The following XIRP2 variants were observed in gnomAD, a reference collection of about 807,000 sequenced individuals.
The protein encoded by XIRP2 is xin actin-binding repeat-containing protein 2.
XIRP2 carries 236 observed loss-of-function variants against 277.0 expected under a neutral mutation model. That is an observed-to-expected ratio of 0.85 (90% CI 0.77 to 0.95). The LOEUF is 0.95. XIRP2 is among the 40% of genes least tolerant of loss of function. The pLI is 0.00. For missense variants in XIRP2, 4,640 were observed against 4,157.5 expected, an observed-to-expected ratio of 1.12 and a Z score of -3.19; for synonymous variants, 1,490 against 1,416.5, an observed-to-expected ratio of 1.05 and a Z score of -1.17.
chr2:167,041,937 A>T (rs1688668718), intron 2 of XIRP2, among the ~76,000 whole-genome samples: 1 of 152,176 alleles, frequency 6.6e-6, no homozygotes, highest in Admixed American at 6.5e-5. Context: ...GAAGCTAGAG[A>T]GGGAAGGGGC....
chr2:166,961,398 GTTC>G (rs1446566438), intron 2 of XIRP2, among the ~76,000 whole-genome samples: 1 of 151,616 alleles, frequency 6.6e-6, no homozygotes, highest in Non-Finnish European at 1.5e-5. Flanking sequence ...GCTTTAAATT[GTTC>G]TTAATGCTGA....
chr2:167,008,894 T>C (rs2105466357), intron 2 of XIRP2, among the ~76,000 whole-genome samples: 1 of 151,638 alleles, frequency 6.6e-6, no homozygotes, highest in Non-Finnish European at 1.5e-5. Context: ...ATGTCTCCTT[T>C]CTGAGTTTAA....
intron 1 of XIRP2, among the ~76,000 whole-genome samples, chr2:166,892,379 A>G (rs908138038): frequency 1.3e-5 from 2 of 152,192 alleles, no homozygotes; most frequent in African/African-American, 4.8e-5. Flanking sequence ...GCAGGTAGAA[A>G]TCACAGAAAC....
At chr2:166,942,579 A>G (rs1474363858) in intron 2 of XIRP2, among the ~76,000 whole-genome samples, 1 of 152,220 alleles carries the variant, frequency 6.6e-6, no homozygotes, top group African/African-American at 2.4e-5. Context: ...ATATTGTGCA[A>G]TCAAACCACA....
At chr2:167,077,559 A>T (rs1689603821) in intron 2 of XIRP2, among the ~76,000 whole-genome samples, 1 of 152,200 alleles carries the variant, frequency 6.6e-6, no homozygotes, top group Non-Finnish European at 1.5e-5. Flanking sequence ...AACTGCAGAG[A>T]TGGGTGGAAG....
chr2:167,126,186 C>T (rs564049191), intron 2 of XIRP2, among the ~76,000 whole-genome samples: 59 of 133,132 alleles, frequency 4.4e-4, no homozygotes, highest in Non-Finnish European at 7.3e-4. Context: ...CTCTCTCTCT[C>T]TCTCTCTCTC....
Position 167,245,088 on chromosome 2 carries a change from G to T in XIRP2, c.3696G>T (p.Gln1232His). 1 of 1,610,222 alleles carries T rather than the reference G, an allele frequency of 6.2e-7. No individual in the cohort carries two copies. Among genetic ancestry groups the T allele is most frequent in the Non-Finnish European group, 8.5e-7 (1 of 1,178,916 alleles). ...AAACCTTAAAAACTGAAGATATTCA[G>T]AAAGGCAATGTTTTAAATTGTAGGT... is the stretch of plus-strand genomic sequence containing the variant. Reference protein sequence around the residue: ...KIKTLKTEDIQKGNVLNCRWL... With the variant: ...KIKTLKTEDIHKGNVLNCRWL... Residue 1232 changes from glutamine to histidine, a missense_variant, in exon 9 of 11, where the codon CAG becomes CAT. Coordinates refer to ENST00000409195, the MANE Select transcript of XIRP2 (RefSeq NM_152381.6).
intron 3 of XIRP2, among the ~76,000 whole-genome samples, chr2:167,155,399 T>C (rs1280627624): frequency 6.6e-6 from 1 of 151,544 alleles, no homozygotes; most frequent in Non-Finnish European, 1.5e-5. Context: ...TTATCCACCA[T>C]GATCAAGTGG....
chr2:167,098,743 T>C (rs545352215), intron 2 of XIRP2, among the ~76,000 whole-genome samples: 1 of 152,334 alleles, frequency 6.6e-6, no homozygotes, highest in Non-Finnish European at 1.5e-5. Flanking sequence ...TCATTCTTTT[T>C]GTTGGTGGTG....
rs2105428854 is a variant in XIRP2, at chr2:167,239,963, A to G, written c.967A>G (p.Met323Val). The G allele has an allele frequency of 6.3e-7, 1 of 1,591,622 alleles. No homozygotes were observed. Among genetic ancestry groups the G allele is most frequent in the Non-Finnish European group, 8.5e-7 (1 of 1,173,946 alleles). Residue 323 changes from methionine (M) to valine (V), a missense_variant and splice_region_variant, in exon 6 of 11, where the codon ATG (methionine) becomes GTG (valine). Coordinates refer to ENST00000409195, the MANE Select transcript of XIRP2 (RefSeq NM_152381.6). ...VQKIDVHGTE[M>V]VSHLEKHTEE... ...GAAAATTGATGTTCATGGAACAGAA[A>G]TGGTAACTATTTAGAAAGGCAGTAC...
chr2:167,108,702 C>G (rs1346723), intron 2 of XIRP2, among the ~76,000 whole-genome samples: 40,221 of 151,882 alleles, frequency 0.26, 7,670 homozygotes, highest in African/African-American at 0.54. Flanking sequence ...CAACAGAACA[C>G]TGCTTATCCA....
intron 3 of XIRP2, among the ~76,000 whole-genome samples, chr2:167,160,730 C>T (rs1489869904): frequency 6.6e-6 from 1 of 152,144 alleles, no homozygotes; most frequent in African/African-American, 2.4e-5. Flanking sequence ...CACAGACAAA[C>T]CATATCATTC....
Position 167,243,381 on chromosome 2 carries a change from G to A in XIRP2, c.1989G>A (p.Leu663=). 1 of 1,614,028 alleles carries A rather than the reference G, an allele frequency of 6.2e-7. No individual in the cohort carries two copies. Among genetic ancestry groups the A allele is most frequent in the Admixed American group, 1.7e-5 (1 of 60,008 alleles). ...GGTGGATGTTTGAAACAAGGCCATTGGACTCAATGAATAAAATGCATCAAA... is the reference window on the plus strand; with the variant it reads ...GGTGGATGTTTGAAACAAGGCCATTAGACTCAATGAATAAAATGCATCAAA... The part of the protein sequence containing the change: ...TARWMFETRP[L]DSMNKMHQSQ... Residue 663 remains leucine, a synonymous_variant, in exon 9 of 11, where the codon TTG becomes TTA. Coordinates refer to ENST00000409195, the MANE Select transcript of XIRP2 (RefSeq NM_152381.6).
chr2:166,907,032 A>G lies in XIRP2; in HGVS notation c.408+3142A>G, dbSNP rs556765677. ...TGTTAAAACAATTTATTCTAACATA[A>G]TTACAATAGAAAATCAGTGAGAAAT... is the stretch of plus-strand genomic sequence containing the variant. On this transcript the variant is annotated intron_variant, in intron 2 of 10. Coordinates refer to ENST00000409195, the MANE Select transcript of XIRP2 (RefSeq NM_152381.6). 2.6e-5 allele frequency among the ~76,000 whole-genome samples: 4 copies of G among 152,206 alleles called. No individual in the cohort carries two copies. The South Asian group carries it at 8.3e-4, about 31-fold the overall frequency.
rs903903248 is a variant in XIRP2, at chr2:167,187,316, G to C, written c.563-23419G>C. 7 of 985,214 alleles carry C rather than the reference G, an allele frequency of 7.1e-6. No individual in the cohort carries two copies. In the African/African-American group the frequency reaches 1.2e-4, roughly 17 times the overall value. The allele number at this position is 985,214 out of a possible 1,614,324, so 61.0% of individuals were successfully genotyped here. A position where few individuals can be genotyped will look rare whatever the true frequency, so the allele number is the denominator to read the frequency against. On this transcript the variant is annotated intron_variant, in intron 3 of 10. Transcript: ENST00000409195. ...CTCAGTTCCTAAAAATAGGTGCCAAGTTGCATCCTTTAGACGCTCTGCTAA... is the reference window on the plus strand; with the variant it reads ...CTCAGTTCCTAAAAATAGGTGCCAACTTGCATCCTTTAGACGCTCTGCTAA...
At chr2:167,170,404 A>T (rs948860612) in intron 3 of XIRP2, among the ~76,000 whole-genome samples, 4 of 152,152 alleles carry the variant, frequency 2.6e-5, no homozygotes, top group Non-Finnish European at 2.9e-5. Context: ...TACATCTTTG[A>T]TAGAATTTAC....
intron 2 of XIRP2, among the ~76,000 whole-genome samples, chr2:166,939,331 T>C (rs1685622337): frequency 1.3e-5 from 2 of 152,140 alleles, no homozygotes; most frequent in African/African-American, 4.8e-5. Flanking sequence ...TAAAGTATTT[T>C]ATTTCTCCTT....
intron 2 of XIRP2, among the ~76,000 whole-genome samples, chr2:167,060,762 A>T (rs1689155450): frequency 6.6e-6 from 1 of 152,188 alleles, no homozygotes; most frequent in African/African-American, 2.4e-5. Context: ...ACTGTCAATT[A>T]CTAGAGAGTT....
At chr2:166,982,217 T>A (rs1256275378) in intron 2 of XIRP2, among the ~76,000 whole-genome samples, 2 of 152,020 alleles carry the variant, frequency 1.3e-5, no homozygotes, top group African/African-American at 4.8e-5. Flanking sequence ...ATTCATAACT[T>A]CAATTGTTCT....
Sources: allele counts gnomAD v4.1 joint callset (sites outside exome capture counted in the v4.1 genomes callset), GRCh38; gene constraint gnomAD v4.1.1; transcripts MANE v1.5; gene names NCBI Gene and HGNC (gene_info 2026-07-23, HGNC 2026-07-21).